GLI1: variants seen among roughly 807,000 people sequenced by gnomAD.
GLI1 encodes the protein transcription activator GLI1.
GLI1 carries 51 observed loss-of-function variants against 87.8 expected under a neutral mutation model. That is an observed-to-expected ratio of 0.58 (90% CI 0.46 to 0.73). The LOEUF (loss-of-function observed/expected upper bound fraction) is 0.73. Among genes scored for constraint, GLI1 ranks in the 30% least tolerant of loss-of-function variants. GLI1 has a pLI of 0.00. For missense variants in GLI1, 1,292 were observed against 1,437.2 expected (o/e 0.90, Z 1.63); for synonymous variants, 528 against 558.2 (o/e 0.95, Z 0.76).
intron 10 of GLI1, among the ~76,000 whole-genome samples, chr12:57,469,096 A>T (rs796437752): frequency 1.3e-5 from 2 of 152,144 alleles, no homozygotes; most frequent in South Asian, 4.1e-4. Context: ...AGCCTTTTAC[A>T]TGTATAATTT....
At position 57,465,697 on chromosome 12, in the gene GLI1, G is replaced by T; in HGVS notation, c.624+1G>T. On this transcript the variant is annotated splice_donor_variant, in intron 6 of 11. Transcript: ENST00000228682. LOFTEE classifies it high-confidence loss of function. ...CAGCCCCAACTCCACAGGCATACAG[G>T]TAAGGGGATGGGCAGGAGCTTTACC... 6.2e-7 allele frequency: 1 copy of T among 1,613,824 alleles called. No individual in the cohort carries two copies. The highest frequency in any genetic ancestry group is 8.5e-7 in the Non-Finnish European group (1 of 1,179,664).
intron 1 of GLI1, among the ~76,000 whole-genome samples, chr12:57,462,583 T>G (rs1254056913): frequency 6.6e-6 from 1 of 152,196 alleles, no homozygotes. Flanking sequence ...ATCACATTGT[T>G]TTTTTCATTC....
At position 57,469,554 on chromosome 12, in the gene GLI1, C is replaced by T. The variant is rs1335695170; in HGVS notation, c.1432C>T (p.Leu478Phe). ...CAATGCAGGGGGCAGCACTGAAGAC[C>T]TCTCCAGCTTGGACGAGGGACCTTG... ...TGNAGGSTED[L>F]SSLDEGPCIA... Residue 478 changes from leucine (L) to phenylalanine (F), a missense_variant, in exon 11 of 12, where the codon CTC (leucine) becomes TTC (phenylalanine). By Grantham distance (22) the Leu-to-Phe change is conservative (BLOSUM62 0). This residue lies in a region of GLI1 where 897 missense variants were observed against 1,040.7 expected (regional missense o/e 0.86). Coordinates refer to ENST00000228682, the MANE Select transcript of GLI1 (RefSeq NM_005269.3). 3.1e-6 allele frequency: 5 copies of T among 1,614,236 alleles called. No homozygotes were observed. The highest frequency in any genetic ancestry group is 2.2e-5 in the East Asian group (1 of 44,892).
At position 57,470,850 on chromosome 12, in the gene GLI1, C is replaced by T. The variant is rs920472026; in HGVS notation, c.2110C>T (p.Gln704Ter). 6.2e-7 allele frequency: 1 copy of T among 1,609,522 alleles called. No homozygotes were observed. The highest frequency in any genetic ancestry group is 8.5e-7 in the Non-Finnish European group (1 of 1,177,474). ...ENAAMDARGL[Q>*]EEPEVGTSMV... is the part of the protein sequence containing the mutation. The stretch of plus-strand genomic sequence containing the variant: ...TGCTGCCATGGATGCTAGAGGGCTA[C>T]AGGAAGAGCCAGAAGTTGGGACCTC... Residue 704 changes from glutamine (Q) to a stop codon, truncating the protein, a stop_gained, in exon 12 of 12, where the codon CAG becomes TAG. Coordinates refer to ENST00000228682, the MANE Select transcript of GLI1 (RefSeq NM_005269.3). LOFTEE classifies it high-confidence loss of function.
Position 57,470,613 on chromosome 12 carries a change from G to A in GLI1, c.1873G>A (p.Glu625Lys), listed in dbSNP as rs768202810. 1.4e-5 allele frequency: 22 copies of A among 1,613,948 alleles called. No individual in the cohort carries two copies. Among genetic ancestry groups the A allele is most frequent in the East Asian group, 2.2e-5 (1 of 44,892 alleles). Residue 625 changes from glutamate (E) to lysine (K), a missense_variant, in exon 12 of 12, where the codon GAG (glutamate) becomes AAG (lysine). Coordinates refer to ENST00000228682, the MANE Select transcript of GLI1 (RefSeq NM_005269.3). ...CATGCCTCCTTGGAGAAGCCGAGCC[G>A]AGTATCCAGGATACAACCCCAATGC... Reference protein sequence around the residue: ...LPMPPWRSRAEYPGYNPNAGV... With the variant: ...LPMPPWRSRAKYPGYNPNAGV...
intron 4 of GLI1, 47 bp from the exon 5 acceptor site, chr12:57,465,064 C>T (rs1330701605): frequency 1.3e-6 from 2 of 1,596,126 alleles, no homozygotes; most frequent in Non-Finnish European, 1.7e-6. Flanking sequence ...CCAATCCTTC[C>T]TGAGACTTCC....
At chr12:57,461,793 C>T (rs1315402042) in intron 1 of GLI1, among the ~76,000 whole-genome samples, 1 of 151,290 alleles carries the variant, frequency 6.6e-6, no homozygotes, top group Non-Finnish European at 1.5e-5. Context: ...AGTAGGGGGG[C>T]GGAGCCGACT....
At position 57,463,810 on chromosome 12, in the gene GLI1, C is replaced by T; in HGVS notation, c.100+19C>T. The T allele has an allele frequency of 7.0e-7, 1 of 1,428,266 alleles. No homozygotes were observed. The highest frequency in any genetic ancestry group is 9.8e-7 in the Non-Finnish European group (1 of 1,021,620). 88.5% of individuals were successfully genotyped at this position (1,428,266 alleles called of 1,614,324 possible). A position where few individuals can be genotyped will look rare whatever the true frequency, so the allele number is the denominator to read the frequency against. On this transcript the variant is annotated intron_variant, in intron 2 of 11. Coordinates refer to ENST00000228682, the MANE Select transcript of GLI1 (RefSeq NM_005269.3). ...ACAGAAGGTCAGTGTATATACCAAT[C>T]CCTGGGCCTTGAGGATTTGGCAGAT...
Position 57,471,985 on chromosome 12 carries a change from A to G in GLI1, c.3245A>G (p.Asn1082Ser), listed in dbSNP as rs1239576042. The G allele has an allele frequency of 2.5e-6, 4 of 1,583,440 alleles. No homozygotes were observed. The highest frequency in any genetic ancestry group is 2.7e-5 in the African/African-American group (2 of 73,452). ...GHTPPPSGPP[N>S]MAVGNMSVLL... ...ACCCCACCTCCCTCTGGGCCCCCCA[A>G]CATGGCTGTGGGCAACATGAGTGTC... Residue 1082 changes from asparagine (N) to serine (S), a missense_variant, in exon 12 of 12, where the codon AAC becomes AGC. This residue lies in a region of GLI1 where 897 missense variants were observed against 1,040.7 expected (regional missense o/e 0.86). Coordinates refer to ENST00000228682, the MANE Select transcript of GLI1 (RefSeq NM_005269.3). This position sits in a 1 kb window ranked among gnomAD's most constrained non-coding sequence, Gnocchi z 4.9.
rs746329155 is a variant in GLI1, at chr12:57,464,836, C to G, written c.357C>G (p.Gly119=). 1.9e-6 allele frequency: 3 copies of G among 1,613,924 alleles called. No homozygotes were observed. The highest frequency in any genetic ancestry group is 2.5e-6 in the Non-Finnish European group (3 of 1,179,790). The change falls in exon 4 of 12, where the codon GGC becomes GGG. Residue 119 remains glycine (G), a synonymous_variant. Transcript: ENST00000228682. ...FINSRCTSPG[G]SYGHLSIGTM... The stretch of plus-strand genomic sequence containing the variant: ...ACTCGCGATGCACATCTCCAGGAGG[C>G]TCCTACGGTCATCTCTCCATTGGCA...
chr12:57,465,964 C>T (rs757183565), intron 7 of GLI1, 39 bp downstream of exon 7: 9 of 1,590,600 alleles, frequency 5.7e-6, no homozygotes, highest in Non-Finnish European at 4.3e-6. Flanking sequence ...TAGCCAGAAC[C>T]TTTAGGAGAT....
intron 2 of GLI1, 72 bp downstream of exon 2, chr12:57,463,863 T>C (rs1372222674): frequency 5.0e-6 from 3 of 600,398 alleles, no homozygotes; most frequent in African/African-American, 1.9e-5. Flanking sequence ...CCCCACCCCA[T>C]GCCAGTTTCC....
intron 10 of GLI1, among the ~76,000 whole-genome samples, 178 bp from the exon 11 acceptor site, chr12:57,469,253 C>G (rs1249607339): frequency 6.6e-6 from 1 of 152,212 alleles, no homozygotes. Context: ...AGCCTAGGTT[C>G]TTCTCATCAA....
chr12:57,464,777 C>T lies in GLI1; in HGVS notation c.298C>T (p.Arg100Cys), dbSNP rs760141461. Residue 100 changes from arginine to cysteine, a missense_variant, in exon 4 of 12, where the codon CGC becomes TGC. Transcript: ENST00000228682. ...DASLDLQTVI[R>C]TSPSSLVAFI... ...CAGCCTGGACCTGCAGACGGTTATC[C>T]GCACCTCACCCAGCTCCCTCGTAGC... 5.0e-6 allele frequency: 8 copies of T among 1,613,706 alleles called. No homozygotes were observed. The highest frequency in any genetic ancestry group is 5.9e-6 in the Non-Finnish European group (7 of 1,179,762).
Position 57,470,738 on chromosome 12 carries a change from A to C in GLI1, c.1998A>C (p.Pro666=), listed in dbSNP as rs759958035. 6.2e-7 allele frequency: 1 copy of C among 1,612,846 alleles called. No homozygotes were observed. Among genetic ancestry groups the C allele is most frequent in the South Asian group, 1.1e-5 (1 of 90,988 alleles). ...AGAGCCTGGGCTGTGTCCATACCCCACCCACTGTGGCAGGGGGAGGACAGA... is the reference window on the plus strand; with the variant it reads ...AGAGCCTGGGCTGTGTCCATACCCCCCCCACTGTGGCAGGGGGAGGACAGA... ...RFKSLGCVHT[P]PTVAGGGQNF... Residue 666 remains proline, a synonymous_variant, in exon 12 of 12, where the codon CCA becomes CCC. Coordinates refer to ENST00000228682, the MANE Select transcript of GLI1 (RefSeq NM_005269.3).
At chr12:57,464,990 G>A in intron 4 of GLI1, 121 bp from the exon 5 acceptor site, 1 of 1,244,808 alleles carries the variant, frequency 8.0e-7, no homozygotes, top group Non-Finnish European at 1.2e-6. Context: ...ACTCTCCTCA[G>A]TACTTCCCTG....
rs1202123173 is a variant in GLI1 at position 57,470,587 on chromosome 12, C to T, written c.1847C>T (p.Pro616Leu). ...AGCCTGGATCGGATAGGTGGTCTTC[C>T]CATGCCTCCTTGGAGAAGCCGAGCC... ...ASSLDRIGGLPMPPWRSRAEY... is the reference protein window; with the variant it reads ...ASSLDRIGGLLMPPWRSRAEY... Residue 616 changes from proline to leucine, a missense_variant, in exon 12 of 12, where the codon CCC (proline) becomes CTC (leucine). Pro to Leu is a moderately conservative substitution (Grantham distance 98). Transcript: ENST00000228682. 6.2e-7 allele frequency: 1 copy of T among 1,614,106 alleles called. No homozygotes were observed. Among genetic ancestry groups the T allele is most frequent in the Non-Finnish European group, 8.5e-7 (1 of 1,180,026 alleles).
In GLI1 at chr12:57,463,771, C is replaced by T. The variant is rs754294090; in HGVS notation, c.80C>T (p.Ala27Val). The stretch of plus-strand genomic sequence containing the variant: ...CTCCGGCCCCTCCCCAGTCAGGGGG[C>T]CCCCAGTGTGGGGACAGAAGGTCAG... ...CCLRPLPSQG[A>V]PSVGTEGLSG... The change falls in exon 2 of 12, where the codon GCC becomes GTC. Residue 27 changes from alanine to valine, a missense_variant. Transcript: ENST00000228682. The T allele has an allele frequency of 8.1e-6, 13 of 1,598,754 alleles. No individual in the cohort carries two copies. Among genetic ancestry groups the T allele is most frequent in the Non-Finnish European group, 1.1e-5 (13 of 1,169,856 alleles).
rs372102723 is a variant in GLI1, at chr12:57,470,377, C to G, written c.1637C>G (p.Ser546Cys). The change falls in exon 12 of 12, where the codon TCC (serine) becomes TGC (cysteine). Residue 546 changes from serine (S) to cysteine (C), a missense_variant. By Grantham distance (112) the Ser-to-Cys change is moderately radical. Around this residue, in one of 3 missense-constraint regions of GLI1, gnomAD observed 897 missense variants for 1,040.7 expected, o/e 0.86. Transcript: ENST00000228682. ...TCTCTTGAACGCCGCAGCAGCAGCT[C>G]CAGCAGCATCAGCTCTGCCTATACT... ...PVSLERRSSS[S>C]SSISSAYTVS... 6.2e-7 allele frequency: 1 copy of G among 1,611,980 alleles called. No homozygotes were observed. Among genetic ancestry groups the G allele is most frequent in the Non-Finnish European group, 8.5e-7 (1 of 1,178,708 alleles).
Sources: allele counts gnomAD v4.1 joint callset (sites outside exome capture counted in the v4.1 genomes callset), GRCh38; gene constraint gnomAD v4.1.1; regional missense constraint gnomAD v4.1.1; non-coding constraint Gnocchi (gnomAD v3.1); transcripts MANE v1.5; gene names NCBI Gene and HGNC (gene_info 2026-07-23, HGNC 2026-07-21).